Variants in CCDC134 observed in about 807,000 individuals in gnomAD.
The protein encoded by CCDC134 is coiled-coil domain-containing protein 134.
CCDC134 carries 27 observed loss-of-function variants against 25.6 expected under a neutral mutation model. That is an observed-to-expected ratio of 1.05 (90% CI 0.78 to 1.45). The LOEUF (loss-of-function observed/expected upper bound fraction) is 1.45. Among genes scored for constraint, CCDC134 ranks in the 40% most tolerant of loss-of-function variants. The pLI, the probability that CCDC134 is intolerant of heterozygous loss-of-function variation, is 0.00. For missense variants in CCDC134, 261 were observed against 286.7 expected (o/e 0.91, Z 0.65); for synonymous variants, 110 against 115.0 (o/e 0.96, Z 0.28).
In CCDC134 at chr22:41,829,867, G is replaced by A. The variant is rs1304554690; in HGVS notation, c.*4044G>A. On this transcript the variant is annotated 3_prime_UTR_variant, in exon 7 of 7. Transcript: ENST00000255784. ...CGGCTCACTGCAACCCCCGCCTCCC[G>A]GGTTCAAGTGATTCTTCTGCCTCAG... is the stretch of plus-strand genomic sequence containing the variant. 4.6e-5 allele frequency among the ~76,000 whole-genome samples: 7 copies of A among 151,800 alleles called. No individual in the cohort carries two copies. The highest frequency in any genetic ancestry group is 1.9e-4 in the East Asian group (1 of 5,182).
In CCDC134 at chr22:41,826,943, T is replaced by C. The variant is rs2076682674; in HGVS notation, c.*1120T>C. Among the ~76,000 whole-genome samples the C allele has an allele frequency of 6.6e-6, 1 of 152,240 alleles. No homozygotes were observed. The highest frequency in any genetic ancestry group is 1.5e-5 in the Non-Finnish European group (1 of 68,030). ...CCCTCGACACCCAGCCCCCTACCAC[T>C]GACAGAGCACAAGTGAGATCTGAGT... On this transcript the variant is annotated 3_prime_UTR_variant, in exon 7 of 7. Transcript: ENST00000255784.
intron 1 of CCDC134, among the ~76,000 whole-genome samples, chr22:41,801,186 C>T (rs532258133): frequency 7.8e-4 from 119 of 152,326 alleles, no homozygotes; most frequent in Non-Finnish European, 1.4e-3. Flanking sequence ...TCTCCTTGGC[C>T]CCTAAAGTTT....
Position 41,829,309 on chromosome 22 carries a change from T to G in CCDC134, c.*3486T>G, listed in dbSNP as rs765049838. 3.3e-5 allele frequency among the ~76,000 whole-genome samples: 5 copies of G among 152,236 alleles called. No homozygotes were observed. Among genetic ancestry groups the G allele is most frequent in the Non-Finnish European group, 7.3e-5 (5 of 68,038 alleles). The stretch of plus-strand genomic sequence containing the variant: ...TAGTTCTCTGCTGTCAAGTCTGAGC[T>G]GACTCTCTCTTCCGGATTCTTCTTT... On this transcript the variant is annotated 3_prime_UTR_variant, in exon 7 of 7. Coordinates refer to ENST00000255784, the MANE Select transcript of CCDC134 (RefSeq NM_024821.5).
At chr22:41,804,609 T>C (rs146810051) in intron 1 of CCDC134, among the ~76,000 whole-genome samples, 1 of 152,326 alleles carries the variant, frequency 6.6e-6, no homozygotes, top group Non-Finnish European at 1.5e-5. Context: ...AGACTTTAGA[T>C]TTTACTTAAC....
chr22:41,813,908 G>T, intron 6 of CCDC134, 86 bp downstream of exon 6: 5 of 1,304,226 alleles, frequency 3.8e-6, no homozygotes, highest in Non-Finnish European at 5.5e-6. Flanking sequence ...GGGACCTTGG[G>T]TGGCTTTGGA....
Position 41,825,927 on chromosome 22 carries a change from A to C in CCDC134, c.*104A>C. On this transcript the variant is annotated 3_prime_UTR_variant, in exon 7 of 7. Transcript: ENST00000255784. This position sits in a 1 kb window ranked among gnomAD's most constrained non-coding sequence, Gnocchi z 4.4. ...GAGAGCACCAGCTAGCCCCTTCCAGAAGGGGAGGCCACATTTGCCCGGCCC... is the reference window on the plus strand; with the variant it reads ...GAGAGCACCAGCTAGCCCCTTCCAGCAGGGGAGGCCACATTTGCCCGGCCC... 6.7e-7 allele frequency: 1 copy of C among 1,498,484 alleles called. No individual in the cohort carries two copies. Among genetic ancestry groups the C allele is most frequent in the Non-Finnish European group, 9.0e-7 (1 of 1,106,212 alleles). The allele number at this position is 1,498,484 out of a possible 1,614,324, so 92.8% of individuals were successfully genotyped here. A position where few individuals can be genotyped will look rare whatever the true frequency, so the allele number is the denominator to read the frequency against.
At chr22:41,801,002 T>C (rs2076539513) in intron 1 of CCDC134, among the ~76,000 whole-genome samples, 1 of 151,804 alleles carries the variant, frequency 6.6e-6, no homozygotes, top group Non-Finnish European at 1.5e-5. Context: ...TCTGCAGGAG[T>C]TCAGAGCCTC....
intron 1 of CCDC134, among the ~76,000 whole-genome samples, chr22:41,803,105 A>T (rs1785800761): frequency 1.3e-5 from 2 of 151,664 alleles, no homozygotes; most frequent in South Asian, 4.2e-4. Context: ...CAAGAGCGAA[A>T]CTCCGTCTCA....
At position 41,825,279 on chromosome 22, in the gene CCDC134, C is replaced by T. The variant is rs562842830; in HGVS notation, c.565-419C>T. Among the ~76,000 whole-genome samples, 127 of 151,952 alleles carry T rather than the reference C, an allele frequency of 8.4e-4. No homozygotes were observed. The highest frequency in any genetic ancestry group is 2.9e-3 in the African/African-American group (121 of 41,420). ...CACCCCCTACCGCCAATGAAGTCCT[C>T]ATCCTCCACCCCCCCACTTGCCTTG... is the stretch of plus-strand genomic sequence containing the variant. On this transcript the variant is annotated intron_variant, in intron 6 of 6. Coordinates refer to ENST00000255784, the MANE Select transcript of CCDC134 (RefSeq NM_024821.5). The surrounding 1 kb of genome is among the most constrained non-coding windows in gnomAD (Gnocchi z 4.4).
rs778213979 is a variant in CCDC134, at chr22:41,826,923, G to A, written c.*1100G>A. ...AGAGAAAACCATCCCAGATCCCCTC[G>A]ACACCCAGCCCCCTACCACTGACAG... is the stretch of plus-strand genomic sequence containing the variant. On this transcript the variant is annotated 3_prime_UTR_variant, in exon 7 of 7. Coordinates refer to ENST00000255784, the MANE Select transcript of CCDC134 (RefSeq NM_024821.5). Among the ~76,000 whole-genome samples, 1 of 152,188 alleles carries A rather than the reference G, an allele frequency of 6.6e-6. No homozygotes were observed. Among genetic ancestry groups the A allele is most frequent in the Admixed American group, 6.5e-5 (1 of 15,284 alleles).
At chr22:41,807,775 A>C (rs6002496) in intron 1 of CCDC134, among the ~76,000 whole-genome samples, 1 of 151,838 alleles carries the variant, frequency 6.6e-6, no homozygotes, top group African/African-American at 2.4e-5. Flanking sequence ...TAATCCCAGT[A>C]TTTGGGAGGC....
chr22:41,811,291 CAGAA>C (rs1246535298), intron 4 of CCDC134, among the ~76,000 whole-genome samples: 2 of 152,156 alleles, frequency 1.3e-5, no homozygotes, highest in African/African-American at 4.8e-5. Context: ...GCCAGTTTCT[CAGAA>C]AGAAACATTT....
chr22:41,817,659 G>A (rs2076629161), intron 6 of CCDC134, among the ~76,000 whole-genome samples: 1 of 152,012 alleles, frequency 6.6e-6, no homozygotes, highest in African/African-American at 2.4e-5. Context: ...TTGAACCCGG[G>A]AGGCAGAGGT....
chr22:41,805,437 TA>T (rs139464918), intron 1 of CCDC134, among the ~76,000 whole-genome samples: 3 of 151,614 alleles, frequency 2.0e-5, no homozygotes, highest in African/African-American at 4.8e-5. Flanking sequence ...AAAAATAAAA[TA>T]AAAAAAAGAA....
rs1602248436 is a variant in CCDC134, at chr22:41,826,461, G to T, written c.*638G>T. Among the ~76,000 whole-genome samples the T allele has an allele frequency of 2.6e-5, 4 of 152,372 alleles. No individual in the cohort carries two copies. In the South Asian group the frequency reaches 8.3e-4, roughly 32 times the overall value. Reference sequence around the variant, plus strand: ...CTGGTCCTACGCCATCACTGCCCTTGACAAATGATTGGTGTTGGGAAAGGA... The same window carrying T: ...CTGGTCCTACGCCATCACTGCCCTTTACAAATGATTGGTGTTGGGAAAGGA... On this transcript the variant is annotated 3_prime_UTR_variant, in exon 7 of 7. Coordinates refer to ENST00000255784, the MANE Select transcript of CCDC134 (RefSeq NM_024821.5).
rs2076650512 is a variant in CCDC134, at chr22:41,821,286, T to A, written c.565-4412T>A. On this transcript the variant is annotated intron_variant, in intron 6 of 6. Coordinates refer to ENST00000255784, the MANE Select transcript of CCDC134 (RefSeq NM_024821.5). ...GGAAAGGAAGTGGATGTGGCAAGTATAGACAGCCCTTTCGAAAAGTTTTCC... is the reference window on the plus strand; with the variant it reads ...GGAAAGGAAGTGGATGTGGCAAGTAAAGACAGCCCTTTCGAAAAGTTTTCC... Among the ~76,000 whole-genome samples, 3 of 152,196 alleles carry A rather than the reference T, an allele frequency of 2.0e-5. No individual in the cohort carries two copies. The South Asian group carries it at 6.2e-4, about 32-fold the overall frequency.
intron 1 of CCDC134, among the ~76,000 whole-genome samples, chr22:41,804,849 C>T (rs774263417): frequency 1.3e-5 from 2 of 152,160 alleles, no homozygotes; most frequent in East Asian, 1.9e-4. Context: ...GTGGGCAGAT[C>T]GCTTAAGGCC....
chr22:41,811,878 T>C (rs2076598084), intron 4 of CCDC134, among the ~76,000 whole-genome samples: 1 of 152,174 alleles, frequency 6.6e-6, no homozygotes, highest in South Asian at 2.1e-4. Context: ...TTTAAAGACC[T>C]TGCTGCAGAA....
At chr22:41,813,547 C>T in intron 5 of CCDC134, 102 bp downstream of exon 5, 6 of 1,396,896 alleles carry the variant, frequency 4.3e-6, no homozygotes, top group Non-Finnish European at 5.9e-6. Context: ...TGCTTGGTTA[C>T]ATTTTCTTTG....
Sources: allele counts gnomAD v4.1 joint callset (sites outside exome capture counted in the v4.1 genomes callset), GRCh38; gene constraint gnomAD v4.1.1; non-coding constraint Gnocchi (gnomAD v3.1); transcripts MANE v1.5; gene names NCBI Gene and HGNC (gene_info 2026-07-23, HGNC 2026-07-21).